Variants in SLC4A10 observed in about 807,000 individuals in gnomAD.
SLC4A10 encodes the protein sodium-driven chloride bicarbonate exchanger.
SLC4A10 carries 42 observed loss-of-function variants against 137.7 expected under a neutral mutation model. That is an observed-to-expected ratio of 0.30 (90% CI 0.24 to 0.39). The LOEUF is 0.39. Ranked by LOEUF, SLC4A10 falls within the 10% of genes least tolerant of loss-of-function variation. The probability of loss-of-function intolerance (pLI) is 1.00; values close to 1 mark genes in which losing one functional copy is unlikely to be tolerated. For synonymous variants in SLC4A10, 474 were observed against 464.1 expected (o/e 1.02, Z -0.27); for missense variants, 925 against 1,355.0 (o/e 0.68, Z 4.98).
chr2:161,867,325 G>A (rs1575361812), intron 6 of SLC4A10, among the ~76,000 whole-genome samples: 1 of 151,750 alleles, frequency 6.6e-6, no homozygotes, highest in African/African-American at 2.4e-5. Context: ...TAATACAATG[G>A]TCTCATAAAT....
intron 15 of SLC4A10, among the ~76,000 whole-genome samples, chr2:161,916,230 G>A (rs1225763890): frequency 6.6e-6 from 1 of 152,058 alleles, no homozygotes; most frequent in African/African-American, 2.4e-5. Flanking sequence ...TGAAGTTATG[G>A]GCAAACTCTT....
chr2:161,851,704 C>A (rs2125841919), intron 4 of SLC4A10, among the ~76,000 whole-genome samples: 1 of 151,926 alleles, frequency 6.6e-6, no homozygotes, highest in Admixed American at 6.6e-5. Flanking sequence ...TCAAGAGGCC[C>A]AGGAGTATTT....
At chr2:161,712,836 T>C (rs996773759) in intron 1 of SLC4A10, among the ~76,000 whole-genome samples, 2 of 151,842 alleles carry the variant, frequency 1.3e-5, no homozygotes, top group African/African-American at 2.4e-5. Flanking sequence ...TCCCCCAAAT[T>C]GGCAGAGTCA....
intron 4 of SLC4A10, among the ~76,000 whole-genome samples, chr2:161,849,791 G>A (rs1181676212): frequency 6.6e-6 from 1 of 152,070 alleles, no homozygotes; most frequent in African/African-American, 2.4e-5. Context: ...TGTGCTGCTG[G>A]ATTTGGTTTG....
intron 1 of SLC4A10, among the ~76,000 whole-genome samples, chr2:161,633,910 ACT>A (rs2033996361): frequency 6.6e-6 from 1 of 151,744 alleles, no homozygotes; most frequent in Non-Finnish European, 1.5e-5. Flanking sequence ...TTTTATTTTG[ACT>A]CTATTTTTAC....
chr2:161,698,415 C>T (rs574894357), intron 1 of SLC4A10, among the ~76,000 whole-genome samples: 37 of 152,238 alleles, frequency 2.4e-4, no homozygotes, highest in African/African-American at 8.7e-4. Flanking sequence ...CCAGTTTTTG[C>T]CCATTCAGCA....
At chr2:161,971,293 T>C (rs535841442) in intron 23 of SLC4A10, among the ~76,000 whole-genome samples, 1 of 152,370 alleles carries the variant, frequency 6.6e-6, no homozygotes, top group East Asian at 1.9e-4. Context: ...GCATTAATTG[T>C]CCTTCACTTA....
intron 1 of SLC4A10, among the ~76,000 whole-genome samples, chr2:161,678,621 A>G (rs1048520774): frequency 1.3e-5 from 2 of 152,132 alleles, no homozygotes; most frequent in African/African-American, 4.8e-5. Context: ...GCTTCTTTCT[A>G]GTCAATGACC....
At chr2:161,745,845 G>T (rs2048336244) in intron 1 of SLC4A10, among the ~76,000 whole-genome samples, 1 of 152,168 alleles carries the variant, frequency 6.6e-6, no homozygotes, top group African/African-American at 2.4e-5. Context: ...TACTGCCTTG[G>T]TGGTGTTGTG....
intron 19 of SLC4A10, among the ~76,000 whole-genome samples, chr2:161,955,746 GGCTATAAGA>G (rs1439374119): frequency 6.6e-6 from 1 of 152,096 alleles, no homozygotes; most frequent in Non-Finnish European, 1.5e-5. Flanking sequence ...TCACACTCCA[GGCTATAAGA>G]GCTCTCATAC....
intron 1 of SLC4A10, among the ~76,000 whole-genome samples, chr2:161,729,653 CT>C (rs1204871665): frequency 6.6e-6 from 1 of 151,820 alleles, no homozygotes; most frequent in African/African-American, 2.4e-5. Context: ...CTCTCTATTC[CT>C]TAAGAATAGT....
rs554235209 is a variant in SLC4A10, at chr2:161,979,657, G to C, written c.*26+1897G>C. The stretch of plus-strand genomic sequence containing the variant: ...AGGCTCCCAAAGCCACTTCCTTTTT[G>C]TGGTATCTGTTAAAGGCTTTAAAGC... On this transcript the variant is annotated intron_variant, in intron 26 of 26. Transcript: ENST00000446997. Among the ~76,000 whole-genome samples, 67 of 152,206 alleles carry C rather than the reference G, an allele frequency of 4.4e-4. 1 individual carries two copies. The highest frequency in any genetic ancestry group is 1.6e-3 in the African/African-American group (67 of 41,516).
intron 15 of SLC4A10, among the ~76,000 whole-genome samples, chr2:161,936,275 T>A (rs1469183680): frequency 6.6e-6 from 1 of 152,202 alleles, no homozygotes; most frequent in Non-Finnish European, 1.5e-5. Context: ...GGCTTTGGTA[T>A]CATTGTAATG....
chr2:161,969,714 A>G (rs1413480385), intron 23 of SLC4A10, among the ~76,000 whole-genome samples: 1 of 152,182 alleles, frequency 6.6e-6, no homozygotes, highest in Admixed American at 6.5e-5. Flanking sequence ...AGGAGAAAAC[A>G]AAAAGAGGGC....
At chr2:161,965,259 T>C in intron 23 of SLC4A10, 86 bp downstream of exon 23, 1 of 1,395,890 alleles carries the variant, frequency 7.2e-7, no homozygotes, top group Non-Finnish European at 9.6e-7. Context: ...GTTTTTATCT[T>C]TAGACAGTTT....
chr2:161,894,735 T>C lies in SLC4A10; in HGVS notation c.1251T>C (p.Ile417=). The C allele has an allele frequency of 1.4e-6, 2 of 1,448,094 alleles. No homozygotes were observed. The highest frequency in any genetic ancestry group is 1.8e-6 in the Non-Finnish European group (2 of 1,089,886). 89.7% of individuals were successfully genotyped at this position (1,448,094 alleles called of 1,614,324 possible). A position where few individuals can be genotyped will look rare whatever the true frequency, so the allele number is the denominator to read the frequency against. The change falls in exon 11 of 27, where the codon ATT becomes ATC. Residue 417 remains isoleucine (I), a synonymous_variant. Coordinates refer to ENST00000446997, the MANE Select transcript of SLC4A10 (RefSeq NM_001178015.2). ...AKDRNDLVSG[I]DEFLDQVTVL... ...ATCGTAATGACTTGGTATCAGGAAT[T>C]GATGAGTTTCTGGATCAGGTTACTG...
intron 1 of SLC4A10, among the ~76,000 whole-genome samples, chr2:161,678,285 GA>G (rs775264482): frequency 3.9e-5 from 6 of 152,038 alleles, no homozygotes; most frequent in Non-Finnish European, 8.8e-5. Flanking sequence ...TATCTCCTAA[GA>G]GATAAACAAA....
intron 15 of SLC4A10, among the ~76,000 whole-genome samples, chr2:161,916,924 C>A (rs566447965): frequency 1.3e-5 from 2 of 152,088 alleles, no homozygotes; most frequent in East Asian, 3.8e-4. Flanking sequence ...CATTTATATA[C>A]AATAAAATTT....
chr2:161,772,105 A>T (rs1574887526), intron 2 of SLC4A10, among the ~76,000 whole-genome samples: 1 of 151,846 alleles, frequency 6.6e-6, no homozygotes, highest in East Asian at 1.9e-4. Flanking sequence ...TGCTTGTTGC[A>T]CAAACATACT....
Sources: gnomAD v4.1 joint callset for allele counts (sites outside exome capture counted in the v4.1 genomes callset) on GRCh38, gnomAD v4.1.1 for gene constraint, MANE v1.5 for transcripts, NCBI Gene and HGNC (gene_info 2026-07-23, HGNC 2026-07-21) for gene names.